Variants in IPO5 observed in about 807,000 individuals in gnomAD.
IPO5 encodes importin-5.
IPO5 carries 18 observed loss-of-function variants against 143.3 expected under a neutral mutation model. The observed-to-expected ratio is 0.13, with a 90% CI of 0.09 to 0.19. The LOEUF (loss-of-function observed/expected upper bound fraction) is 0.19, where lower values mean the gene tolerates loss of function less well. Ranked by LOEUF, IPO5 falls within the 10% of genes least tolerant of loss-of-function variation. IPO5 has a pLI of 1.00. For missense variants in IPO5, 1,013 were observed against 1,336.9 expected, an observed-to-expected ratio of 0.76 and a Z score of 3.78; for synonymous variants, 477 against 465.7, an observed-to-expected ratio of 1.02 and a Z score of -0.31.
At chr13:97,997,971 A>T (rs530910627) in intron 12 of IPO5, among the ~76,000 whole-genome samples, 1 of 152,336 alleles carries the variant, frequency 6.6e-6, no homozygotes, top group East Asian at 1.9e-4. Flanking sequence ...CAAATAAAGT[A>T]GCTATGTTTT....
At chr13:98,010,945 T>A (rs563382493) in intron 20 of IPO5, among the ~76,000 whole-genome samples, 1 of 151,800 alleles carries the variant, frequency 6.6e-6, no homozygotes, top group South Asian at 2.1e-4. Context: ...CACAGCTGGC[T>A]ACTTTTTGTA....
chr13:97,969,647 G>A lies in IPO5; in HGVS notation c.-112-76G>A, dbSNP rs1885657206. ...GATAAGGATTTATTCTTCAAAATCA[G>A]ATGTGATTTTTAAGAATATCATCTT... is the stretch of plus-strand genomic sequence containing the variant. On this transcript the variant is annotated intron_variant, in intron 2 of 28. Coordinates refer to ENST00000651721, the MANE Select transcript of IPO5 (RefSeq NM_002271.6). 4.1e-5 allele frequency: 29 copies of A among 702,846 alleles called. 1 individual carries two copies. Among genetic ancestry groups the A allele is most frequent in the Middle Eastern group, 4.6e-4 (2 of 4,348 alleles). The allele number at this position is 702,846 out of a possible 1,614,324, so 43.5% of individuals were successfully genotyped here. A position where few individuals can be genotyped will look rare whatever the true frequency, so the allele number is the denominator to read the frequency against.
At position 98,006,355 on chromosome 13, in the gene IPO5, AATTTTTTTTTTT is replaced by A; in HGVS notation, c.1716+8_1716+19del. 2.8e-6 allele frequency: 2 copies of A among 705,416 alleles called. No homozygotes were observed. The highest frequency in any genetic ancestry group is 5.4e-5 in the East Asian group (1 of 18,658). 43.7% of individuals were successfully genotyped at this position (705,416 alleles called of 1,614,324 possible). On this transcript the variant is annotated splice_region_variant and intron_variant, in intron 17 of 28. Coordinates refer to ENST00000651721, the MANE Select transcript of IPO5 (RefSeq NM_002271.6). The stretch of plus-strand genomic sequence containing the variant: ...GGCTGTTGGGAAGGAAAAAGTAAGT[AATTTTTTTTTTT>A]TTTTTTTTTTTTTTTTTTTTTTTTT...
intron 21 of IPO5, 99 bp downstream of exon 21, chr13:98,012,441 A>G: frequency 1.3e-6 from 1 of 762,864 alleles, no homozygotes; most frequent in Non-Finnish European, 2.3e-6. Context: ...CTTCACCATG[A>G]TTGTTTGTAT....
chr13:97,981,450 T>C (rs1013083307), intron 4 of IPO5: 28 of 301,742 alleles, frequency 9.3e-5, no homozygotes, highest in Non-Finnish European at 1.4e-4. Context: ...TAATATCTCA[T>C]GGATGCCATG....
intron 2 of IPO5, among the ~76,000 whole-genome samples, chr13:97,955,807 T>C (rs1344206520): frequency 6.6e-6 from 1 of 152,094 alleles, no homozygotes; most frequent in Non-Finnish European, 1.5e-5. Flanking sequence ...ACTTCTATCC[T>C]ATACGCCCCA....
intron 8 of IPO5, 39 bp downstream of exon 8, chr13:97,990,261 T>G (rs1887698859): frequency 6.3e-6 from 9 of 1,421,744 alleles, no homozygotes; most frequent in Middle Eastern, 1.8e-4. Context: ...CCATCTATTT[T>G]AATCTAATTT....
chr13:98,007,190 T>G (rs1448790378), intron 17 of IPO5, among the ~76,000 whole-genome samples: 4 of 152,206 alleles, frequency 2.6e-5, no homozygotes, highest in Non-Finnish European at 5.9e-5. Context: ...AGCTCAGCTG[T>G]GCTCCTGATG....
At chr13:97,977,044 G>A in intron 4 of IPO5, 1 of 200,012 alleles carries the variant, frequency 5.0e-6, no homozygotes, top group Non-Finnish European at 1.1e-5. Context: ...CGCTCCCGAC[G>A]CGCCCCCGTC....
intron 11 of IPO5, among the ~76,000 whole-genome samples, chr13:97,995,159 C>CAAAAAAAAAAAA (rs1888144394): frequency 7.0e-6 from 1 of 143,042 alleles, no homozygotes. Context: ...GGATATCTTT[C>CAAAAAAAAAAAA]TTTCATTCTT....
chr13:97,964,221 G>A (rs999450592), intron 2 of IPO5, among the ~76,000 whole-genome samples: 3 of 151,920 alleles, frequency 2.0e-5, no homozygotes, highest in Non-Finnish European at 4.4e-5. Context: ...GTCAATTTTG[G>A]CTTTTGTTGC....
In IPO5 at chr13:98,012,809, T is replaced by TTTTTTTTTTTTTTTG. The variant is rs1566561251; in HGVS notation, c.2152+481_2152+482insGTTTTTTTTTTTTTT. ...AAGCCCAGCTAGATTTGATTTTTTT[T>TTTTTTTTTTTTTTTG]TTTTTTTTTTTTTTTTTTAAGAGAT... On this transcript the variant is annotated intron_variant, in intron 21 of 28. Coordinates refer to ENST00000651721, the MANE Select transcript of IPO5 (RefSeq NM_002271.6). Among the ~76,000 whole-genome samples, 65 of 146,670 alleles carry TTTTTTTTTTTTTTTG rather than the reference T, an allele frequency of 4.4e-4. 2 individuals are homozygous for TTTTTTTTTTTTTTTG. In the East Asian group the frequency reaches 7.7e-3, roughly 17 times the overall value.
chr13:98,016,144 G>T (rs913898471), intron 24 of IPO5, among the ~76,000 whole-genome samples: 3 of 152,126 alleles, frequency 2.0e-5, no homozygotes, highest in Admixed American at 1.3e-4. Context: ...ACTGTTGACG[G>T]TCTGGGGCCT....
chr13:97,998,078 C>G (rs1336146456), intron 12 of IPO5, among the ~76,000 whole-genome samples: 2 of 152,208 alleles, frequency 1.3e-5, no homozygotes, highest in Non-Finnish European at 2.9e-5. Flanking sequence ...GGGGTTCACG[C>G]CATTCTCCTG....
At chr13:97,960,797 G>T (rs1884809956) in intron 2 of IPO5, among the ~76,000 whole-genome samples, 1 of 152,150 alleles carries the variant, frequency 6.6e-6, no homozygotes, top group Non-Finnish European at 1.5e-5. Flanking sequence ...GACCTCAGGT[G>T]ATCCACTCGC....
chr13:98,018,826 A>G, intron 26 of IPO5, 122 bp downstream of exon 26: 2 of 668,304 alleles, frequency 3.0e-6, no homozygotes, highest in South Asian at 3.8e-5. Context: ...GTTTTCAGAC[A>G]TCTCATCTGT....
chr13:97,955,891 G>A (rs908585338), intron 2 of IPO5, among the ~76,000 whole-genome samples: 22 of 152,156 alleles, frequency 1.4e-4, no homozygotes, highest in Middle Eastern at 3.2e-3. Context: ...CAGCACTTTG[G>A]GAGGCCAAGG....
At chr13:98,003,266 A>G (rs16954713) in intron 16 of IPO5, among the ~76,000 whole-genome samples, 2,250 of 152,330 alleles carry the variant, frequency 0.015, 48 homozygotes, top group African/African-American at 0.051. Context: ...GTCAGGTAAA[A>G]TCAGTGTATA....
At chr13:97,992,616 TG>T (rs1191345749) in intron 9 of IPO5, among the ~76,000 whole-genome samples, 1 of 152,198 alleles carries the variant, frequency 6.6e-6, no homozygotes, top group Admixed American at 6.5e-5. Context: ...AGTAATTCCT[TG>T]GTAGCCTTAA....
Sources: allele counts gnomAD v4.1 joint callset (sites outside exome capture counted in the v4.1 genomes callset), GRCh38; gene constraint gnomAD v4.1.1; transcripts MANE v1.5; gene names NCBI Gene and HGNC (gene_info 2026-07-23, HGNC 2026-07-21).